Variants in IKZF4 observed in about 807,000 individuals in gnomAD.
IKZF4 encodes the protein zinc finger protein Eos.
A neutral mutation model predicts 47.7 loss-of-function variants in IKZF4; 11 were observed. The observed-to-expected ratio is 0.23, with a 90% CI of 0.15 to 0.38. The LOEUF is 0.38. IKZF4 is among the 10% of genes least tolerant of loss of function. The pLI is 1.00. For missense variants in IKZF4, 557 were observed against 784.9 expected (o/e 0.71, Z 3.47); for synonymous variants, 298 against 299.4 (o/e 1.00, Z 0.05).
At chr12:56,010,996 A>T (rs935488124) in intron 1 of IKZF4, 2 of 152,200 alleles carry the variant, frequency 1.3e-5, no homozygotes, top group Non-Finnish European at 2.9e-5. Context: ...AATCAAAGGC[A>T]ATTGTTCCTG....
At position 56,035,065 on chromosome 12, in the gene IKZF4, G is replaced by A. The variant is rs201816790; in HGVS notation, c.1492G>A (p.Asp498Asn). The change falls in exon 8 of 8, where the codon GAC (aspartate) becomes AAC (asparagine). Residue 498 changes from aspartate to asparagine, a missense_variant. Physicochemically the swap from Asp to Asn is conservative, Grantham distance 23. Around this residue, in one of 6 missense-constraint regions of IKZF4, gnomAD observed 280 missense variants for 314.0 expected, o/e 0.89. Transcript: ENST00000547167. The surrounding 1 kb of genome is among the most constrained non-coding windows in gnomAD (Gnocchi z 6.1). ...GCACAGTCCTGCCTACGCCAAAGAGGACCCCAAGCCACAGGAGGGGTTATT... is the reference window on the plus strand; with the variant it reads ...GCACAGTCCTGCCTACGCCAAAGAGAACCCCAAGCCACAGGAGGGGTTATT... ...GRHSPAYAKE[D>N]PKPQEGLLRG... is the part of the protein sequence containing the mutation. 2.7e-4 allele frequency: 429 copies of A among 1,584,678 alleles called. 1 individual carries two copies. Among genetic ancestry groups the A allele is most frequent in the Non-Finnish European group, 3.5e-4 (410 of 1,165,066 alleles).
intron 3 of IKZF4, 75 bp from the exon 4 acceptor site, chr12:56,026,706 A>T: frequency 7.4e-7 from 1 of 1,349,906 alleles, no homozygotes. Flanking sequence ...AAAAAAAAAA[A>T]AAGAGTGCCA....
intron 2 of IKZF4, chr12:56,024,646 G>T: frequency 9.5e-7 from 1 of 1,050,222 alleles, no homozygotes; most frequent in Non-Finnish European, 1.2e-6. Flanking sequence ...GACAATTCCA[G>T]TTACCTTTCC....
intron 3 of IKZF4, 143 bp downstream of exon 3, chr12:56,025,301 A>AG: frequency 1.2e-5 from 11 of 945,594 alleles, no homozygotes; most frequent in Non-Finnish European, 1.7e-5. Context: ...TGAGGAGCCC[A>AG]GTGTCTAGGG....
At chr12:56,029,807 C>T (rs1370924016) in intron 5 of IKZF4, 1 of 152,162 alleles carries the variant, frequency 6.6e-6, no homozygotes, top group Non-Finnish European at 1.5e-5. Flanking sequence ...CATAGCTATT[C>T]TTCAGCCTAG....
In IKZF4 at chr12:56,025,145, C is replaced by A. The variant is rs1254167313; in HGVS notation, c.273C>A (p.Ser91Arg). ...STPNSQHSSP[S>R]RSLSANSIKV... is the part of the protein sequence containing the mutation. ...CCAACAGCCAGCACTCTTCTCCTAG[C>A]CGCTCACTCAGTGGTAAGTGTAACC... Residue 91 changes from serine to arginine, a missense_variant, in exon 3 of 8, where the codon AGC becomes AGA. Transcript: ENST00000547167. 6.3e-7 allele frequency: 1 copy of A among 1,594,530 alleles called. No individual in the cohort carries two copies. Among genetic ancestry groups the A allele is most frequent in the East Asian group, 2.3e-5 (1 of 44,258 alleles).
intron 7 of IKZF4, among the ~76,000 whole-genome samples, chr12:56,033,881 C>T (rs1895290181): frequency 6.6e-6 from 1 of 151,900 alleles, no homozygotes; most frequent in South Asian, 2.1e-4. Flanking sequence ...GTCGAGGCAT[C>T]GGGCTGTCTC....
chr12:56,018,984 G>A (rs559945323), upstream of IKZF4, among the ~76,000 whole-genome samples: 9 of 152,218 alleles, frequency 5.9e-5, no homozygotes, highest in African/African-American at 1.7e-4. Context: ...TTGGGAGGCC[G>A]AGGTGGGCAG....
intron 1 of IKZF4, among the ~76,000 whole-genome samples, chr12:56,007,922 A>C (rs1890903671): frequency 6.6e-6 from 1 of 151,612 alleles, no homozygotes. Context: ...GTTTGGCCCG[A>C]GGCCCCAGTA....
chr12:56,017,536 C>T (rs1892279000), upstream of IKZF4, among the ~76,000 whole-genome samples: 1 of 152,104 alleles, frequency 6.6e-6, no homozygotes, highest in South Asian at 2.1e-4. Flanking sequence ...GAGGTGTAAT[C>T]TCCACCTACA....
intron 2 of IKZF4, chr12:56,011,864 C>T (rs1891360688): frequency 6.6e-6 from 1 of 152,196 alleles, no homozygotes. Context: ...CCATACCTTT[C>T]CCTGGCCCCT....
Position 56,025,122 on chromosome 12 carries a change from A to G in IKZF4, c.250A>G (p.Asn84Asp), listed in dbSNP as rs992923096. 6 of 1,604,514 alleles carry G rather than the reference A, an allele frequency of 3.7e-6. No homozygotes were observed. In the African/African-American group the frequency reaches 5.4e-5, roughly 14 times the overall value. The stretch of plus-strand genomic sequence containing the variant: ...AGTGGGGCCCTCGGTGAGCACCCCC[A>G]ACAGCCAGCACTCTTCTCCTAGCCG... ...APVGPSVSTP[N>D]SQHSSPSRSL... The change falls in exon 3 of 8, where the codon AAC becomes GAC. Residue 84 changes from asparagine to aspartate, a missense_variant. Asn to Asp is a conservative substitution (Grantham distance 23). This residue lies in a region of IKZF4 where 112 missense variants were observed against 168.2 expected (regional missense o/e 0.67). Transcript: ENST00000547167.
chr12:56,037,070 A>C lies in IKZF4; in HGVS notation c.*1739A>C, dbSNP rs1481968476. On this transcript the variant is annotated 3_prime_UTR_variant, in exon 8 of 8. Transcript: ENST00000547167. Reference sequence around the variant, plus strand: ...CTACTTTTCTCACTCCCTATCAGGGATATTTTGGGGGGGGATGGTAAAGGG... The same window carrying C: ...CTACTTTTCTCACTCCCTATCAGGGCTATTTTGGGGGGGGATGGTAAAGGG... 3.3e-5 allele frequency: 5 copies of C among 150,014 alleles called. No homozygotes were observed. The highest frequency in any genetic ancestry group is 2.0e-4 in the Admixed American group (3 of 15,040). 9.3% of individuals were successfully genotyped at this position (150,014 alleles called of 1,614,324 possible).
Position 56,034,666 on chromosome 12 carries a change from C to G in IKZF4, c.1093C>G (p.Leu365Val). Reference sequence around the variant, plus strand: ...TGTGGAGTTGGTGGCACACCACAGCCTAGAGCCTGGCTTTGGAAGTTCCCT... The same window carrying G: ...TGTGGAGTTGGTGGCACACCACAGCGTAGAGCCTGGCTTTGGAAGTTCCCT... ...KDVELVAHHS[L>V]EPGFGSSLAF... The change falls in exon 8 of 8, where the codon CTA becomes GTA. Residue 365 changes from leucine to valine, a missense_variant. By Grantham distance (32) the Leu-to-Val change is conservative. Coordinates refer to ENST00000547167, the MANE Select transcript of IKZF4 (RefSeq NM_022465.4). 6.2e-7 allele frequency: 1 copy of G among 1,614,032 alleles called. No individual in the cohort carries two copies. The highest frequency in any genetic ancestry group is 2.2e-5 in the East Asian group (1 of 44,880).
At chr12:56,023,960 A>T (rs1893518154) in intron 2 of IKZF4, 196 bp downstream of exon 2, 2 of 977,926 alleles carry the variant, frequency 2.0e-6, no homozygotes, top group African/African-American at 3.5e-5. Context: ...TGTTTATCCC[A>T]ATAGGTATGT....
chr12:56,010,758 GT>G (rs1891237222), intron 1 of IKZF4, among the ~76,000 whole-genome samples: 1 of 152,084 alleles, frequency 6.6e-6, no homozygotes, highest in South Asian at 2.1e-4. Context: ...AGTTTCTTCT[GT>G]TAAAAACTAG....
At chr12:56,019,530 T>C (rs1892572182), upstream of IKZF4, 1 of 207,610 alleles carries the variant, frequency 4.8e-6, no homozygotes, top group African/African-American at 2.4e-5. Flanking sequence ...GGTAGACTCA[T>C]TTAATTGGAA....
upstream of IKZF4, among the ~76,000 whole-genome samples, chr12:56,018,513 C>T (rs1272300389): frequency 6.6e-6 from 1 of 152,112 alleles, no homozygotes; most frequent in East Asian, 1.9e-4. Context: ...AACATGAAAT[C>T]CTGTTCTATC....
At chr12:56,019,550 T>A (rs1457492787), upstream of IKZF4, 1 of 180,250 alleles carries the variant, frequency 5.5e-6, no homozygotes, top group Non-Finnish European at 1.1e-5. Context: ...AGAGACTTTA[T>A]TAGAACAAAA....
Sources: allele counts gnomAD v4.1 joint callset (sites outside exome capture counted in the v4.1 genomes callset), GRCh38; gene constraint gnomAD v4.1.1; regional missense constraint gnomAD v4.1.1; non-coding constraint Gnocchi (gnomAD v3.1); transcripts MANE v1.5; gene names NCBI Gene and HGNC (gene_info 2026-07-23, HGNC 2026-07-21).